Variants in IRF5 observed in about 807,000 individuals in gnomAD.
The protein encoded by IRF5 is interferon regulatory factor 5.
Under a neutral mutation model 55.1 loss-of-function variants are expected in IRF5, and 24 were observed. The ratio of observed to expected loss-of-function variants is 0.44; its 90% CI spans 0.32 to 0.61. The LOEUF (loss-of-function observed/expected upper bound fraction) is 0.61, where lower values mean the gene tolerates loss of function less well. IRF5 is among the 20% of genes least tolerant of loss of function. The pLI, the probability that IRF5 is intolerant of heterozygous loss-of-function variation, is 0.07. For missense variants in IRF5, 499 were observed against 658.5 expected, an observed-to-expected ratio of 0.76 and a Z score of 2.65; for synonymous variants, 258 against 260.2, an observed-to-expected ratio of 0.99 and a Z score of 0.08.
rs371335617 is a variant in IRF5, at chr7:128,946,556, G to A, written c.441G>A (p.Glu147=). The change falls in exon 4 of 9, where the codon GAG becomes GAA. Residue 147 remains glutamate (E), a synonymous_variant. Transcript: ENST00000357234. This position sits in a 1 kb window ranked among gnomAD's most constrained non-coding sequence, Gnocchi z 4.2. ...GTGCAGGAGAGGAGGAGGAAGAAGAGGAAGAGGTGAGTGTGGGTTGAGGAG... is the reference window on the plus strand; with the variant it reads ...GTGCAGGAGAGGAGGAGGAAGAAGAAGAAGAGGTGAGTGTGGGTTGAGGAG... ...SFGAGEEEEE[E]EELQRMLPSL... 3 of 1,599,638 alleles carry A rather than the reference G, an allele frequency of 1.9e-6. No homozygotes were observed. Among genetic ancestry groups the A allele is most frequent in the East Asian group, 2.2e-5 (1 of 44,730 alleles).
In IRF5 at chr7:128,946,083, C is replaced by T. The variant is rs1338062562; in HGVS notation, c.385+49C>T. 6.6e-7 allele frequency: 1 copy of T among 1,503,970 alleles called. No homozygotes were observed. The highest frequency in any genetic ancestry group is 2.3e-5 in the East Asian group (1 of 42,922). The allele number at this position is 1,503,970 out of a possible 1,614,324, so 93.2% of individuals were successfully genotyped here. The stretch of plus-strand genomic sequence containing the variant: ...GCCACCTGGGAGGCTGTGCAATGTC[C>T]TGGCCCCCAGCCATGAGCTCTTGGG... On this transcript the variant is annotated intron_variant, in intron 3 of 8. Transcript: ENST00000357234. This position sits in a 1 kb window ranked among gnomAD's most constrained non-coding sequence, Gnocchi z 4.2.
chr7:128,940,670 G>C (rs529060198), intron 1 of IRF5: 1 of 152,982 alleles, frequency 6.5e-6, no homozygotes, highest in African/African-American at 2.4e-5. Context: ...GGAGGCTGGG[G>C]CAGAAAGCGG....
rs372613331 is a variant in IRF5, at chr7:128,947,835, C to A, written c.894C>A (p.Thr298=). 37 of 1,613,922 alleles carry A rather than the reference C, an allele frequency of 2.3e-5. No homozygotes were observed. In the African/African-American group the frequency reaches 4.9e-4, roughly 22 times the overall value. The stretch of plus-strand genomic sequence containing the variant: ...TCTTCTACAGCCAGCTGGAGGCCAC[C>A]CAGGAGCAGGTGGAACTCTTCGGCC... ...CRLFYSQLEA[T]QEQVELFGPI... is the part of the protein sequence containing the mutation. The change falls in exon 7 of 9, where the codon ACC becomes ACA. Residue 298 remains threonine (T), a synonymous_variant. Transcript: ENST00000357234. The surrounding 1 kb of genome is among the most constrained non-coding windows in gnomAD (Gnocchi z 6.5).
In IRF5 at chr7:128,946,157, T is replaced by A. The variant is rs1273853974; in HGVS notation, c.385+123T>A. On this transcript the variant is annotated intron_variant, in intron 3 of 8. Transcript: ENST00000357234. This position sits in a 1 kb window ranked among gnomAD's most constrained non-coding sequence, Gnocchi z 4.2. Reference sequence around the variant, plus strand: ...TAGCAGGCAGTGGTCCAGGAAACGATGCGGGGGCTCCCGCTAGGTCATGAC... The same window carrying A: ...TAGCAGGCAGTGGTCCAGGAAACGAAGCGGGGGCTCCCGCTAGGTCATGAC... 3.1e-5 allele frequency: 29 copies of A among 946,036 alleles called. 1 individual carries two copies. Among genetic ancestry groups the A allele is most frequent in the Non-Finnish European group, 4.4e-5 (29 of 654,376 alleles). The allele number at this position is 946,036 out of a possible 1,614,324, so 58.6% of individuals were successfully genotyped here. A position where few individuals can be genotyped will look rare whatever the true frequency, so the allele number is the denominator to read the frequency against.
At position 128,946,952 on chromosome 7, in the gene IRF5, C is replaced by T; in HGVS notation, c.448-71C>T. The T allele has an allele frequency of 1.3e-6, 2 of 1,573,642 alleles. No homozygotes were observed. The highest frequency in any genetic ancestry group is 1.7e-6 in the Non-Finnish European group (2 of 1,144,292). On this transcript the variant is annotated intron_variant, in intron 4 of 8. Transcript: ENST00000357234. The surrounding 1 kb of genome is among the most constrained non-coding windows in gnomAD (Gnocchi z 4.2). Reference sequence around the variant, plus strand: ...TTCTCGCCTGTTATTTCCCCAGCCCCAGGTCAGTGGAATAACCTGTCCTCC... The same window carrying T: ...TTCTCGCCTGTTATTTCCCCAGCCCTAGGTCAGTGGAATAACCTGTCCTCC...
intron 1 of IRF5, among the ~76,000 whole-genome samples, chr7:128,939,151 C>T (rs1171047547): frequency 6.6e-6 from 1 of 151,930 alleles, no homozygotes; most frequent in Middle Eastern, 3.2e-3. Flanking sequence ...TCGGCTGTAT[C>T]GATGTAGGAA....
At chr7:128,940,440 AGGGGTCTACAGATACAACTATGG>A (rs1006014203) in intron 1 of IRF5, 3 of 152,246 alleles carry the variant, frequency 2.0e-5, no homozygotes, top group African/African-American at 2.4e-5. Context: ...AAGGCCTCTC[AGGGGTCTACAGATACAACTATGG>A]GTGGGTGCAC....
In IRF5 at chr7:128,948,828, A is replaced by C; in HGVS notation, c.*10A>C. ...AGCTGGCATGCAATAACAAGGCTGCAGACGGTGACTGGCCCTGGCTTCCTG... is the reference window on the plus strand; with the variant it reads ...AGCTGGCATGCAATAACAAGGCTGCCGACGGTGACTGGCCCTGGCTTCCTG... On this transcript the variant is annotated 3_prime_UTR_variant, in exon 9 of 9. Transcript: ENST00000357234. The surrounding 1 kb of genome is among the most constrained non-coding windows in gnomAD (Gnocchi z 4.6). 1 of 1,596,648 alleles carries C rather than the reference A, an allele frequency of 6.3e-7. No individual in the cohort carries two copies. The highest frequency in any genetic ancestry group is 8.5e-7 in the Non-Finnish European group (1 of 1,177,260).
Position 128,948,155 on chromosome 7 carries a change from C to G in IRF5, c.1180+34C>G. The G allele has an allele frequency of 6.2e-7, 1 of 1,611,756 alleles. No homozygotes were observed. Among genetic ancestry groups the G allele is most frequent in the Non-Finnish European group, 8.5e-7 (1 of 1,178,194 alleles). On this transcript the variant is annotated intron_variant, in intron 7 of 8. Coordinates refer to ENST00000357234, the MANE Select transcript of IRF5 (RefSeq NM_001098629.3). This position sits in a 1 kb window ranked among gnomAD's most constrained non-coding sequence, Gnocchi z 4.6. Reference sequence around the variant, plus strand: ...CCAAAGCTGTGATCCTCCTGGCTGCCTCTTGCCCAGGGCATGGTTCCAGCC... The same window carrying G: ...CCAAAGCTGTGATCCTCCTGGCTGCGTCTTGCCCAGGGCATGGTTCCAGCC...
intron 1 of IRF5, among the ~76,000 whole-genome samples, 151 bp from the exon 2 acceptor site, chr7:128,941,920 A>G (rs1796044234): frequency 3.9e-5 from 6 of 152,242 alleles, no homozygotes. Flanking sequence ...GACACTAGAC[A>G]AGAAAGCTGA....
chr7:128,943,327 G>A (rs1014622580), intron 2 of IRF5, among the ~76,000 whole-genome samples: 17 of 150,452 alleles, frequency 1.1e-4, no homozygotes, highest in African/African-American at 4.2e-4. Flanking sequence ...CACCATGCCC[G>A]GCCCAATCTT....
Position 128,948,346 on chromosome 7 carries a change from C to CA in IRF5, c.1299+21dup. 6.4e-7 allele frequency: 1 copy of CA among 1,562,096 alleles called. No homozygotes were observed. Among genetic ancestry groups the CA allele is most frequent in the Non-Finnish European group, 8.7e-7 (1 of 1,155,832 alleles). Reference sequence around the variant, plus strand: ...CTGTACAGGTACATCTCCCCTATCCCAAAGTCGGCCTTGGCTTGAAAACTG... The same window carrying CA: ...CTGTACAGGTACATCTCCCCTATCCCAAAAGTCGGCCTTGGCTTGAAAACTG... On this transcript the variant is annotated intron_variant, in intron 8 of 8. Coordinates refer to ENST00000357234, the MANE Select transcript of IRF5 (RefSeq NM_001098629.3). This position sits in a 1 kb window ranked among gnomAD's most constrained non-coding sequence, Gnocchi z 4.6.
At chr7:128,945,067 A>C (rs1287092442) in intron 2 of IRF5, among the ~76,000 whole-genome samples, 3 of 152,164 alleles carry the variant, frequency 2.0e-5, no homozygotes, top group Admixed American at 6.5e-5. Flanking sequence ...CAGTGTCTCG[A>C]GCCTGTCCTA....
At chr7:128,941,966 T>G in intron 1 of IRF5, 105 bp from the exon 2 acceptor site, 1 of 778,152 alleles carries the variant, frequency 1.3e-6, no homozygotes, top group South Asian at 1.9e-5. Context: ...AATACCTAGA[T>G]GGACTGGAGA....
chr7:128,948,619 AG>A lies in IRF5; in HGVS notation c.1347del (p.Glu449AspfsTer157). 2 of 1,614,070 alleles carry A rather than the reference AG, an allele frequency of 1.2e-6. No homozygotes were observed. The highest frequency in any genetic ancestry group is 1.7e-6 in the Non-Finnish European group (2 of 1,180,032). Reference protein sequence around the residue: ...ARLLLEMFSGELSWSADSIRL... With the variant: ...ARLLLEMFSGXLSWSADSIRL... ...CTGCTGCTGGAGATGTTCTCAGGGGAGCTATCTTGGTCAGCTGATAGTATCC... is the reference window on the plus strand; with the variant it reads ...CTGCTGCTGGAGATGTTCTCAGGGGACTATCTTGGTCAGCTGATAGTATCC... On this transcript the variant is annotated frameshift_variant, in exon 9 of 9. Transcript: ENST00000357234. LOFTEE classifies it high-confidence loss of function. This position sits in a 1 kb window ranked among gnomAD's most constrained non-coding sequence, Gnocchi z 4.6.
At chr7:128,937,290 G>T (rs1447100291), upstream of IRF5, among the ~76,000 whole-genome samples, 1 of 152,248 alleles carries the variant, frequency 6.6e-6, no homozygotes, top group African/African-American at 2.4e-5. Flanking sequence ...AGGTTCTGGG[G>T]TGAGGTTCTT....
At position 128,947,817 on chromosome 7, in the gene IRF5, C is replaced by T. The variant is rs762896809; in HGVS notation, c.876C>T (p.Tyr292=). ...ACCCCCATGGCTGCCGGCTCTTCTA[C>T]AGCCAGCTGGAGGCCACCCAGGAGC... The part of the protein sequence containing the change: ...ISNPHGCRLF[Y]SQLEATQEQV... Residue 292 remains tyrosine (Y), a synonymous_variant, in exon 7 of 9, where the codon TAC becomes TAT. Transcript: ENST00000357234. The surrounding 1 kb of genome is among the most constrained non-coding windows in gnomAD (Gnocchi z 6.5). 87 of 1,613,730 alleles carry T rather than the reference C, an allele frequency of 5.4e-5. No homozygotes were observed. In the South Asian group the frequency reaches 8.2e-4, roughly 15 times the overall value.
Position 128,947,031 on chromosome 7 carries a change from G to A in IRF5, c.456G>A (p.Arg152=). 1 of 1,614,070 alleles carries A rather than the reference G, an allele frequency of 6.2e-7. No homozygotes were observed. The highest frequency in any genetic ancestry group is 8.5e-7 in the Non-Finnish European group (1 of 1,179,994). The change falls in exon 5 of 9, where the codon AGG becomes AGA. Residue 152 remains arginine, a synonymous_variant. Transcript: ENST00000357234. This position sits in a 1 kb window ranked among gnomAD's most constrained non-coding sequence, Gnocchi z 6.5. ...TGGTGGTGTCCCTTCAGCTGCAGAG[G>A]ATGTTGCCAAGCCTGAGCCTCACAG... The part of the protein sequence containing the change: ...EEEEEEEELQ[R]MLPSLSLTDA...
At chr7:128,940,565 C>T (rs1269976418) in intron 1 of IRF5, 1 of 152,766 alleles carries the variant, frequency 6.5e-6, no homozygotes, top group African/African-American at 2.4e-5. Flanking sequence ...GAAATTTGGT[C>T]TGGGGGACCC....
Sources: gnomAD v4.1 joint callset for allele counts (sites outside exome capture counted in the v4.1 genomes callset) on GRCh38, gnomAD v4.1.1 for gene constraint, Gnocchi (gnomAD v3.1) non-coding constraint, MANE v1.5 for transcripts, NCBI Gene and HGNC (gene_info 2026-07-23, HGNC 2026-07-21) for gene names.